Variants in ATP8A2 observed in about 807,000 individuals in gnomAD.
The protein encoded by ATP8A2 is ATPase phospholipid transporting 8A2, also known as phospholipid-transporting ATPase IB.
In ATP8A2, 100 loss-of-function variants were observed where a neutral mutation model predicts 165.6. The observed-to-expected ratio is 0.60, with a 90% CI of 0.51 to 0.71. The LOEUF is 0.71. Among genes scored for constraint, ATP8A2 ranks in the 30% least tolerant of loss-of-function variants. The pLI is 0.00. For missense variants in ATP8A2, 1,227 were observed against 1,479.5 expected, an observed-to-expected ratio of 0.83 and a Z score of 2.80; for synonymous variants, 543 against 548.8, an observed-to-expected ratio of 0.99 and a Z score of 0.15.
At chr13:25,803,821 G>A (rs1444575932) in intron 27 of ATP8A2, among the ~76,000 whole-genome samples, 2 of 152,228 alleles carry the variant, frequency 1.3e-5, no homozygotes, top group Non-Finnish European at 2.9e-5. Context: ...TAGTACTATG[G>A]TTTTCGGAAT....
At chr13:25,992,096 T>C (rs528481034) in intron 35 of ATP8A2, among the ~76,000 whole-genome samples, 1 of 152,282 alleles carries the variant, frequency 6.6e-6, no homozygotes, top group East Asian at 1.9e-4. Flanking sequence ...AAGGTTGTGG[T>C]ATGTTTGGTT....
At chr13:25,951,572 G>A (rs1026049338) in intron 33 of ATP8A2, among the ~76,000 whole-genome samples, 2 of 152,220 alleles carry the variant, frequency 1.3e-5, no homozygotes, top group African/African-American at 4.8e-5. Context: ...GTAGACAGGT[G>A]TAGACAGTTG....
chr13:25,609,524 A>G lies in ATP8A2; in HGVS notation c.2211+19825A>G, dbSNP rs555097051. On this transcript the variant is annotated intron_variant, in intron 24 of 36. Transcript: ENST00000381655. ...TAAAAGAATAAAGGATTCCAAATATATATATATTTGGGATTCAAATATATA... is the reference window on the plus strand; with the variant it reads ...TAAAAGAATAAAGGATTCCAAATATGTATATATTTGGGATTCAAATATATA... Among the ~76,000 whole-genome samples the G allele has an allele frequency of 4.4e-3, 648 of 148,354 alleles. 4 individuals are homozygous for G. The highest frequency in any genetic ancestry group is 0.015 in the African/African-American group (612 of 40,714).
At chr13:25,566,013 G>T (rs8002610) in intron 16 of ATP8A2, among the ~76,000 whole-genome samples, 8 of 151,902 alleles carry the variant, frequency 5.3e-5, no homozygotes, top group African/African-American at 1.7e-4. Context: ...AAAATTAAAA[G>T]TTTATCTTTC....
intron 24 of ATP8A2, among the ~76,000 whole-genome samples, chr13:25,695,367 G>A (rs1368659496): frequency 6.6e-6 from 1 of 152,212 alleles, no homozygotes; most frequent in Non-Finnish European, 1.5e-5. Context: ...CAAGGTGGTG[G>A]TTGCTGAAGG....
chr13:25,613,854 T>C (rs2040754334), intron 24 of ATP8A2, among the ~76,000 whole-genome samples: 1 of 152,190 alleles, frequency 6.6e-6, no homozygotes, highest in Non-Finnish European at 1.5e-5. Context: ...TCTTTAAGTG[T>C]GTCTTTCATT....
chr13:25,928,096 C>A (rs541853616), intron 33 of ATP8A2, among the ~76,000 whole-genome samples: 3 of 152,168 alleles, frequency 2.0e-5, no homozygotes, highest in Non-Finnish European at 4.4e-5. Context: ...CTGGTAAGTT[C>A]TACAAACCCA....
At position 25,841,058 on chromosome 13, in the gene ATP8A2, T is replaced by C. The variant is rs115696456; in HGVS notation, c.2956+1434T>C. ...ACTTACCTGCTTCAAAAGGAACTAGTGTGGCTGTTCTGCAGTGGAGACGAT... is the reference window on the plus strand; with the variant it reads ...ACTTACCTGCTTCAAAAGGAACTAGCGTGGCTGTTCTGCAGTGGAGACGAT... On this transcript the variant is annotated intron_variant, in intron 30 of 36. Coordinates refer to ENST00000381655, the MANE Select transcript of ATP8A2 (RefSeq NM_016529.6). Among the ~76,000 whole-genome samples, 502 of 152,348 alleles carry C rather than the reference T, an allele frequency of 3.3e-3. 1 individual carries two copies. Among genetic ancestry groups the C allele is most frequent in the African/African-American group, 0.011 (471 of 41,582 alleles).
At chr13:25,848,735 T>G (rs1951934537) in intron 30 of ATP8A2, among the ~76,000 whole-genome samples, 1 of 152,158 alleles carries the variant, frequency 6.6e-6, no homozygotes, top group Non-Finnish European at 1.5e-5. Context: ...AAACCCTGCT[T>G]TTTATAAAGC....
intron 2 of ATP8A2, among the ~76,000 whole-genome samples, chr13:25,506,376 T>A (rs973763138): frequency 6.6e-6 from 1 of 152,190 alleles, no homozygotes; most frequent in African/African-American, 2.4e-5. Context: ...TAGTCCCAGT[T>A]TGACTCCCTT....
intron 33 of ATP8A2, among the ~76,000 whole-genome samples, chr13:25,936,090 C>T (rs1954880698): frequency 6.6e-6 from 1 of 152,178 alleles, no homozygotes; most frequent in Non-Finnish European, 1.5e-5. Flanking sequence ...ACCCAGAGTC[C>T]TATAATCTGA....
At chr13:25,468,001 G>C (rs1299434573) in intron 1 of ATP8A2, among the ~76,000 whole-genome samples, 2 of 152,154 alleles carry the variant, frequency 1.3e-5, no homozygotes, top group African/African-American at 2.4e-5. Flanking sequence ...TATCTCAGAC[G>C]CCTCTCCTCT....
chr13:25,420,664 TG>T (rs1486255465), intron 1 of ATP8A2, among the ~76,000 whole-genome samples: 4 of 152,210 alleles, frequency 2.6e-5, no homozygotes, highest in Admixed American at 2.6e-4. Context: ...TGTTTACCTA[TG>T]TAACAAGCCT....
chr13:25,858,618 T>G (rs980239567), intron 30 of ATP8A2, among the ~76,000 whole-genome samples: 3 of 152,134 alleles, frequency 2.0e-5, no homozygotes, highest in Admixed American at 1.3e-4. Context: ...GGAAAATAAA[T>G]AGATATTGAT....
chr13:25,741,827 C>A (rs1185652961), intron 25 of ATP8A2, among the ~76,000 whole-genome samples: 5 of 152,170 alleles, frequency 3.3e-5, no homozygotes, highest in Non-Finnish European at 1.5e-5. Context: ...GTATCTGCCC[C>A]TTTTAGATGC....
At chr13:25,402,230 A>G (rs1431509030) in intron 1 of ATP8A2, among the ~76,000 whole-genome samples, 1 of 152,186 alleles carries the variant, frequency 6.6e-6, no homozygotes, top group African/African-American at 2.4e-5. Context: ...AACAGCATGC[A>G]GTTTAAAACT....
rs371112703 is a variant in ATP8A2, at chr13:25,435,168, C to T, written c.77-33809C>T. 4.6e-5 allele frequency among the ~76,000 whole-genome samples: 7 copies of T among 150,964 alleles called. No individual in the cohort carries two copies. The East Asian group carries it at 1.4e-3, about 29-fold the overall frequency. ...TGGAGTTTTGCTTTTTTGCCCAGGC[C>T]GGAGTGCAGTGGCGCGATCTCGGCT... On this transcript the variant is annotated intron_variant, in intron 1 of 36. Transcript: ENST00000381655.
chr13:25,696,651 C>T (rs563865732), intron 24 of ATP8A2, among the ~76,000 whole-genome samples: 1 of 152,340 alleles, frequency 6.6e-6, no homozygotes, highest in South Asian at 2.1e-4. Context: ...CCTCACCTCT[C>T]TCAGCCTTCA....
Position 25,429,183 on chromosome 13 carries a change from C to T in ATP8A2, c.77-39794C>T, listed in dbSNP as rs1593294685. Among the ~76,000 whole-genome samples, 5 of 151,960 alleles carry T rather than the reference C, an allele frequency of 3.3e-5. No homozygotes were observed. The South Asian group carries it at 1.0e-3, about 32-fold the overall frequency. On this transcript the variant is annotated intron_variant, in intron 1 of 36. Transcript: ENST00000381655. Reference sequence around the variant, plus strand: ...ACGTGTTTGAGACCAGGCTGGCCAACATTGTGAAAACTCGTCTCTACTAAA... The same window carrying T: ...ACGTGTTTGAGACCAGGCTGGCCAATATTGTGAAAACTCGTCTCTACTAAA...
Sources: allele counts gnomAD v4.1 joint callset (sites outside exome capture counted in the v4.1 genomes callset), GRCh38; gene constraint gnomAD v4.1.1; transcripts MANE v1.5; gene names NCBI Gene and HGNC (gene_info 2026-07-23, HGNC 2026-07-21).